Variants in FZD5 observed in about 807,000 individuals in gnomAD.
The protein encoded by FZD5 is frizzled class receptor 5.
FZD5 carries 12 observed loss-of-function variants against 40.8 expected under a neutral mutation model. That is an observed-to-expected ratio of 0.29 (90% CI 0.19 to 0.48). The LOEUF is 0.48. FZD5 is among the 20% of genes least tolerant of loss of function. The pLI is 0.99. For synonymous variants in FZD5, 380 were observed against 383.7 expected, an observed-to-expected ratio of 0.99 and a Z score of 0.11; for missense variants, 622 against 832.8, an observed-to-expected ratio of 0.75 and a Z score of 3.12.
chr2:207,768,931 C>T lies in FZD5; in HGVS notation c.-192G>A. ...GAAGGCGCTGCCTCCGCTGGCAGCG[C>T]TCCGCTCCTCGCCGGATAGGGCTGG... On this transcript the variant is annotated 5_prime_UTR_variant, in exon 2 of 2. Coordinates refer to ENST00000295417, the MANE Select transcript of FZD5 (RefSeq NM_003468.4). 1 of 599,464 alleles carries T rather than the reference C, an allele frequency of 1.7e-6. No individual in the cohort carries two copies. The highest frequency in any genetic ancestry group is 2.1e-5 in the South Asian group (1 of 48,268). 37.1% of individuals were successfully genotyped at this position (599,464 alleles called of 1,614,324 possible). A position where few individuals can be genotyped will look rare whatever the true frequency, so the allele number is the denominator to read the frequency against.
chr2:207,766,483 A>C lies in FZD5; in HGVS notation c.*499T>G, dbSNP rs1361549798. ...GAATCATGGACACTTTAAGCAGTGGAAGGAGAAGCTGGCTGAAAAAGCACA... is the reference window on the plus strand; with the variant it reads ...GAATCATGGACACTTTAAGCAGTGGCAGGAGAAGCTGGCTGAAAAAGCACA... On this transcript the variant is annotated 3_prime_UTR_variant, in exon 2 of 2. Coordinates refer to ENST00000295417, the MANE Select transcript of FZD5 (RefSeq NM_003468.4). 6.5e-6 allele frequency: 1 copy of C among 152,770 alleles called. No individual in the cohort carries two copies. Among genetic ancestry groups the C allele is most frequent in the Non-Finnish European group, 1.5e-5 (1 of 68,158 alleles). The allele number at this position is 152,770 out of a possible 1,614,324, so 9.5% of individuals were successfully genotyped here.
At position 207,764,068 on chromosome 2, in the gene FZD5, C is replaced by G. The variant is rs903114063; in HGVS notation, c.*2914G>C. On this transcript the variant is annotated 3_prime_UTR_variant, in exon 2 of 2. Transcript: ENST00000295417. Reference sequence around the variant, plus strand: ...AGAAATTAAAAAGATTTCCTAAAATCTGGTCAGCTAATTCACTGAGAGGTC... The same window carrying G: ...AGAAATTAAAAAGATTTCCTAAAATGTGGTCAGCTAATTCACTGAGAGGTC... The G allele has an allele frequency of 6.6e-6, 1 of 152,596 alleles. No individual in the cohort carries two copies. The highest frequency in any genetic ancestry group is 1.5e-5 in the Non-Finnish European group (1 of 68,032). The allele number at this position is 152,596 out of a possible 1,614,324, so 9.5% of individuals were successfully genotyped here.
rs1443991229 is a variant in FZD5, at chr2:207,767,962, C to T, written c.778G>A (p.Asp260Asn). 5 of 1,605,330 alleles carry T rather than the reference C, an allele frequency of 3.1e-6. No homozygotes were observed. Among genetic ancestry groups the T allele is most frequent in the Non-Finnish European group, 4.3e-6 (5 of 1,175,858 alleles). ...TSTTVATFLI[D>N]MERFRYPERP... ...TCAGGATAGCGGAAGCGTTCCATGT[C>T]GATGAGGAAGGTGGCCACTGTGGTG... The change falls in exon 2 of 2, where the codon GAC becomes AAC. Residue 260 changes from aspartate to asparagine, a missense_variant. Coordinates refer to ENST00000295417, the MANE Select transcript of FZD5 (RefSeq NM_003468.4).
rs1330467894 is a variant in FZD5, at chr2:207,763,529, T to C, written c.*3453A>G. The C allele has an allele frequency of 1.3e-5, 2 of 152,754 alleles. No individual in the cohort carries two copies. Among genetic ancestry groups the C allele is most frequent in the East Asian group, 3.9e-4 (2 of 5,190 alleles). 9.5% of individuals were successfully genotyped at this position (152,754 alleles called of 1,614,324 possible). A position where few individuals can be genotyped will look rare whatever the true frequency, so the allele number is the denominator to read the frequency against. On this transcript the variant is annotated 3_prime_UTR_variant, in exon 2 of 2. Transcript: ENST00000295417. ...ATTCTTAGCCACTGTCCCTCACACC[T>C]GCCTATACGTGTGATGTGCTCTGTC...
chr2:207,766,473 T>C lies in FZD5; in HGVS notation c.*509A>G, dbSNP rs2091979903. ...TCACCTTAAAGAATCATGGACACTTTAAGCAGTGGAAGGAGAAGCTGGCTG... is the reference window on the plus strand; with the variant it reads ...TCACCTTAAAGAATCATGGACACTTCAAGCAGTGGAAGGAGAAGCTGGCTG... On this transcript the variant is annotated 3_prime_UTR_variant, in exon 2 of 2. Transcript: ENST00000295417. 6.5e-6 allele frequency: 1 copy of C among 152,698 alleles called. No individual in the cohort carries two copies. The highest frequency in any genetic ancestry group is 1.5e-5 in the Non-Finnish European group (1 of 68,118). 9.5% of individuals were successfully genotyped at this position (152,698 alleles called of 1,614,324 possible).
In FZD5 at chr2:207,769,285, A is replaced by G. The variant is rs1179059668; in HGVS notation, c.-276T>C. 6.5e-6 allele frequency: 1 copy of G among 152,992 alleles called. No individual in the cohort carries two copies. Among genetic ancestry groups the G allele is most frequent in the African/African-American group, 2.4e-5 (1 of 41,486 alleles). The allele number at this position is 152,992 out of a possible 1,614,324, so 9.5% of individuals were successfully genotyped here. A position where few individuals can be genotyped will look rare whatever the true frequency, so the allele number is the denominator to read the frequency against. ...CTCACCTCCACGGATCCCGCCGAGAAGAGCAGACAGTCCCCAGCCAGCCTG... is the reference window on the plus strand; with the variant it reads ...CTCACCTCCACGGATCCCGCCGAGAGGAGCAGACAGTCCCCAGCCAGCCTG... On this transcript the variant is annotated 5_prime_UTR_variant, in exon 1 of 2. Transcript: ENST00000295417.
rs1364966126 is a variant in FZD5, at chr2:207,767,132, GCGGCTGGTGAAA to G, written c.1596_1607del (p.Phe533_Arg536del). Reference sequence around the variant, plus strand: ...GGCCGCGCCGCGGGCGGCAGCAGCAGCGGCTGGTGAAACGCCGCCACGACTCCACCGTCTTGC... The same window carrying G: ...GGCCGCGCCGCGGGCGGCAGCAGCAGCGCCGCCACGACTCCACCGTCTTGC... On this transcript the variant is annotated inframe_deletion, in exon 2 of 2. Transcript: ENST00000295417. 6.4e-7 allele frequency: 1 copy of G among 1,565,788 alleles called. No homozygotes were observed. Among genetic ancestry groups the G allele is most frequent in the African/African-American group, 1.4e-5 (1 of 73,506 alleles).
In FZD5 at chr2:207,766,296, A is replaced by G. The variant is rs2091979327; in HGVS notation, c.*686T>C. 6.6e-6 allele frequency: 1 copy of G among 152,224 alleles called. No individual in the cohort carries two copies. Among genetic ancestry groups the G allele is most frequent in the Non-Finnish European group, 1.5e-5 (1 of 68,064 alleles). 9.4% of individuals were successfully genotyped at this position (152,224 alleles called of 1,614,324 possible). A position where few individuals can be genotyped will look rare whatever the true frequency, so the allele number is the denominator to read the frequency against. On this transcript the variant is annotated 3_prime_UTR_variant, in exon 2 of 2. Transcript: ENST00000295417. ...GCTGTTAGGAGTGAGAATTATTACA[A>G]GCACTACAGAAAAGAAACTGAACCT...
rs1282085264 is a variant in FZD5 at position 207,765,377 on chromosome 2, G to GC, written c.*1604dup. Reference sequence around the variant, plus strand: ...CTGTCACCCCCCTTCCCCAGTAATGGCCCCACACTCTTCATGAATGAATGC... The same window carrying GC: ...CTGTCACCCCCCTTCCCCAGTAATGGCCCCCACACTCTTCATGAATGAATGC... On this transcript the variant is annotated 3_prime_UTR_variant, in exon 2 of 2. Coordinates refer to ENST00000295417, the MANE Select transcript of FZD5 (RefSeq NM_003468.4). The GC allele has an allele frequency of 6.6e-6, 1 of 152,070 alleles. No homozygotes were observed. The highest frequency in any genetic ancestry group is 1.5e-5 in the Non-Finnish European group (1 of 68,026). 9.4% of individuals were successfully genotyped at this position (152,070 alleles called of 1,614,324 possible). A position where few individuals can be genotyped will look rare whatever the true frequency, so the allele number is the denominator to read the frequency against.
rs1325507098 is a variant in FZD5, at chr2:207,769,252, G to A, written c.-256+13C>T. ...AAACGGGAGAAGAACAGGGAGAAAG[G>A]GAAGGTTCTCACCTCCACGGATCCC... On this transcript the variant is annotated intron_variant, in intron 1 of 1. Transcript: ENST00000295417. 1 of 155,044 alleles carries A rather than the reference G, an allele frequency of 6.4e-6. No individual in the cohort carries two copies. Among genetic ancestry groups the A allele is most frequent in the Non-Finnish European group, 1.4e-5 (1 of 70,076 alleles). The allele number at this position is 155,044 out of a possible 1,614,324, so 9.6% of individuals were successfully genotyped here.
Position 207,767,641 on chromosome 2 carries a change from T to C in FZD5, c.1099A>G (p.Ile367Val), listed in dbSNP as rs771196148. ...AQYFHLAAWL[I>V]PSVKSITALA... ...GCCGTGATGGACTTGACGCTGGGGATGAGCCACGCAGCCAGGTGGAAGTAC... is the reference window on the plus strand; with the variant it reads ...GCCGTGATGGACTTGACGCTGGGGACGAGCCACGCAGCCAGGTGGAAGTAC... The change falls in exon 2 of 2, where the codon ATC (isoleucine) becomes GTC (valine). Residue 367 changes from isoleucine to valine, a missense_variant. Coordinates refer to ENST00000295417, the MANE Select transcript of FZD5 (RefSeq NM_003468.4). 6.2e-7 allele frequency: 1 copy of C among 1,613,206 alleles called. No homozygotes were observed. Among genetic ancestry groups the C allele is most frequent in the Non-Finnish European group, 8.5e-7 (1 of 1,179,708 alleles).
At position 207,765,074 on chromosome 2, in the gene FZD5, T is replaced by C. The variant is rs887090411; in HGVS notation, c.*1908A>G. 9.9e-5 allele frequency: 15 copies of C among 152,212 alleles called. No individual in the cohort carries two copies. The highest frequency in any genetic ancestry group is 6.5e-4 in the Admixed American group (10 of 15,280). The allele number at this position is 152,212 out of a possible 1,614,324, so 9.4% of individuals were successfully genotyped here. On this transcript the variant is annotated 3_prime_UTR_variant, in exon 2 of 2. Coordinates refer to ENST00000295417, the MANE Select transcript of FZD5 (RefSeq NM_003468.4). ...GTGCATTTTAATAAATGTGAAGTTT[T>C]TGAGAGTCCTTACAACTTTAATACT...
Position 207,764,282 on chromosome 2 carries a change from C to T in FZD5, c.*2700G>A, listed in dbSNP as rs1052950410. ...AAGAAGTTGCTGAACTACTCCATAACCTTTTATTTTACAGTTGCTTTCATG... is the reference window on the plus strand; with the variant it reads ...AAGAAGTTGCTGAACTACTCCATAATCTTTTATTTTACAGTTGCTTTCATG... On this transcript the variant is annotated 3_prime_UTR_variant, in exon 2 of 2. Coordinates refer to ENST00000295417, the MANE Select transcript of FZD5 (RefSeq NM_003468.4). 3.0e-4 allele frequency: 46 copies of T among 152,208 alleles called. No homozygotes were observed. The highest frequency in any genetic ancestry group is 1.1e-3 in the African/African-American group (44 of 41,440). 9.4% of individuals were successfully genotyped at this position (152,208 alleles called of 1,614,324 possible). A position where few individuals can be genotyped will look rare whatever the true frequency, so the allele number is the denominator to read the frequency against.
In FZD5 at chr2:207,765,833, CTAA is replaced by C. The variant is rs1014444614; in HGVS notation, c.*1146_*1148del. 70 of 151,232 alleles carry C rather than the reference CTAA, an allele frequency of 4.6e-4. 1 individual carries two copies. The highest frequency in any genetic ancestry group is 3.4e-3 in the Middle Eastern group (1 of 294). 9.4% of individuals were successfully genotyped at this position (151,232 alleles called of 1,614,324 possible). A position where few individuals can be genotyped will look rare whatever the true frequency, so the allele number is the denominator to read the frequency against. On this transcript the variant is annotated 3_prime_UTR_variant, in exon 2 of 2. Coordinates refer to ENST00000295417, the MANE Select transcript of FZD5 (RefSeq NM_003468.4). ...CTTCATTCAAGGGTGGGTGTGGTTT[CTAA>C]TCACAGCTCTCCAGGAGAGGAGGAA...
In FZD5 at chr2:207,768,775, A is replaced by C; in HGVS notation, c.-36T>G. ...CTCCCCTCGCCTCCAGCAGCCCGCG[A>C]GGGACGCACACAGGCAGAGGAATCC... On this transcript the variant is annotated 5_prime_UTR_variant, in exon 2 of 2. Coordinates refer to ENST00000295417, the MANE Select transcript of FZD5 (RefSeq NM_003468.4). The C allele has an allele frequency of 6.8e-7, 1 of 1,472,192 alleles. No individual in the cohort carries two copies. Among genetic ancestry groups the C allele is most frequent in the Non-Finnish European group, 9.1e-7 (1 of 1,096,520 alleles). The allele number at this position is 1,472,192 out of a possible 1,614,324, so 91.2% of individuals were successfully genotyped here. A position where few individuals can be genotyped will look rare whatever the true frequency, so the allele number is the denominator to read the frequency against.
chr2:207,767,966 G>C lies in FZD5; in HGVS notation c.774C>G (p.Leu258=). The C allele has an allele frequency of 6.2e-7, 1 of 1,606,504 alleles. No individual in the cohort carries two copies. The highest frequency in any genetic ancestry group is 8.5e-7 in the Non-Finnish European group (1 of 1,176,408). The change falls in exon 2 of 2, where the codon CTC becomes CTG. Residue 258 remains leucine (L), a synonymous_variant. Transcript: ENST00000295417. ...GATAGCGGAAGCGTTCCATGTCGAT[G>C]AGGAAGGTGGCCACTGTGGTGGACG... is the stretch of plus-strand genomic sequence containing the variant. ...ISTSTTVATF[L]IDMERFRYPE...
At position 207,767,265 on chromosome 2, in the gene FZD5, C is replaced by G. The variant is rs1189968937; in HGVS notation, c.1475G>C (p.Gly492Ala). 3.1e-6 allele frequency: 5 copies of G among 1,610,464 alleles called. No individual in the cohort carries two copies. Among genetic ancestry groups the G allele is most frequent in the Non-Finnish European group, 4.2e-6 (5 of 1,178,884 alleles). ...GTACTCGGGCTTGGCGCGCGGCTGG[C>G]CGGTGTCGTGGCCCGGGCAGGCGCA... is the stretch of plus-strand genomic sequence containing the variant. ...LTCACPGHDT[G>A]QPRAKPEYWV... is the part of the protein sequence containing the mutation. The change falls in exon 2 of 2, where the codon GGC becomes GCC. Residue 492 changes from glycine to alanine, a missense_variant. Physicochemically the swap from Gly to Ala is moderately conservative, Grantham distance 60 (BLOSUM62 0). Transcript: ENST00000295417.
chr2:207,769,081 A>C (rs893121919), intron 1 of FZD5, 87 bp from the exon 2 acceptor site: 14 of 325,016 alleles, frequency 4.3e-5, no homozygotes, highest in Admixed American at 1.9e-4. Context: ...GCTGTCTCCA[A>C]ATCTCTTAAG....
At position 207,767,795 on chromosome 2, in the gene FZD5, G is replaced by A. The variant is rs2091987663; in HGVS notation, c.945C>T (p.Cys315=). The change falls in exon 2 of 2, where the codon TGC becomes TGT. Residue 315 remains cysteine, a synonymous_variant. Coordinates refer to ENST00000295417, the MANE Select transcript of FZD5 (RefSeq NM_003468.4). ...AGTAGACCAGGAGGAAGACGATGGT[G>A]CACAGTGCAGGGCCCGTGGTCTCGT... The part of the protein sequence containing the change: ...IHYETTGPAL[C]TIVFLLVYFF... The A allele has an allele frequency of 3.7e-6, 6 of 1,612,856 alleles. No individual in the cohort carries two copies. Among genetic ancestry groups the A allele is most frequent in the Non-Finnish European group, 4.2e-6 (5 of 1,179,436 alleles).
Sources: allele counts gnomAD v4.1 joint callset, GRCh38; gene constraint gnomAD v4.1.1; transcripts MANE v1.5; gene names NCBI Gene and HGNC (gene_info 2026-07-23, HGNC 2026-07-21).